PRKAR1A: variants seen among roughly 807,000 people sequenced by gnomAD.
The protein encoded by PRKAR1A is cAMP-dependent protein kinase type I-alpha regulatory subunit.
A neutral mutation model predicts 52.0 loss-of-function variants in PRKAR1A; 3 were observed. That is an observed-to-expected ratio of 0.06 (90% CI 0.03 to 0.15). PRKAR1A has a LOEUF of 0.15. PRKAR1A is among the 10% of genes least tolerant of loss of function. The pLI is 1.00. For missense variants in PRKAR1A, 240 were observed against 477.4 expected (o/e 0.50, Z 4.63); for synonymous variants, 188 against 168.4 (o/e 1.12, Z -0.90).
At chr17:68,514,237 T>C (rs922039910) in intron 1 of PRKAR1A, among the ~76,000 whole-genome samples, 2 of 152,256 alleles carry the variant, frequency 1.3e-5, no homozygotes, top group African/African-American at 4.8e-5. Flanking sequence ...TGTAGCACTT[T>C]AGAATAGCTC....
the PRKAR1A span, among the ~76,000 whole-genome samples, chr17:68,457,712 C>T: frequency 6.6e-6 from 1 of 152,172 alleles, no homozygotes; most frequent in African/African-American, 2.4e-5. Context: ...GAGCCCAAGC[C>T]ACGGCTGGCG....
the PRKAR1A span, among the ~76,000 whole-genome samples, chr17:68,474,304 T>C: frequency 6.6e-6 from 1 of 152,206 alleles, no homozygotes; most frequent in African/African-American, 2.4e-5. Flanking sequence ...GAGTCAGCTG[T>C]CATTTCTGCT....
chr17:68,496,045 T>C, the PRKAR1A span, among the ~76,000 whole-genome samples: 10 of 8,628 alleles, frequency 1.2e-3, no homozygotes, highest in African/African-American at 1.8e-3. Context: ...TCCTCTCCTC[T>C]CCTCTCCTTT....
the PRKAR1A span, among the ~76,000 whole-genome samples, chr17:68,485,038 T>C: frequency 1.3e-5 from 2 of 152,230 alleles, no homozygotes; most frequent in African/African-American, 4.8e-5. Context: ...AGATGTTATC[T>C]GTTTTACCAA....
At chr17:68,523,661 A>G in intron 3 of PRKAR1A, 64 bp from the exon 4 acceptor site, 2 of 1,250,746 alleles carry the variant, frequency 1.6e-6, no homozygotes, top group Non-Finnish European at 2.3e-6. Flanking sequence ...ATTGAAGCGC[A>G]GGTTGCAAAC....
the PRKAR1A span, among the ~76,000 whole-genome samples, chr17:68,467,144 A>G: frequency 6.6e-6 from 1 of 152,186 alleles, no homozygotes; most frequent in African/African-American, 2.4e-5. Flanking sequence ...GCATATCACA[A>G]TTTTATACAT....
the PRKAR1A span, among the ~76,000 whole-genome samples, chr17:68,497,587 T>C: frequency 6.6e-6 from 1 of 152,128 alleles, no homozygotes; most frequent in Non-Finnish European, 1.5e-5. Flanking sequence ...CCCTAGGAGA[T>C]GAGATGATAA....
At chr17:68,414,638 G>C in the PRKAR1A span, among the ~76,000 whole-genome samples, 7 of 152,148 alleles carry the variant, frequency 4.6e-5, no homozygotes, top group African/African-American at 1.7e-4. Context: ...GAATTCTGCT[G>C]TGGATCCATC....
intron 11 of PRKAR1A, among the ~76,000 whole-genome samples, chr17:68,544,208 T>C (rs2086443383): frequency 6.6e-6 from 1 of 151,360 alleles, no homozygotes; most frequent in Non-Finnish European, 1.5e-5. Context: ...AGAAAAGTTC[T>C]GGGTCTTAGG....
At chr17:68,415,079 G>A in the PRKAR1A span, among the ~76,000 whole-genome samples, 1 of 151,884 alleles carries the variant, frequency 6.6e-6, no homozygotes, top group African/African-American at 2.4e-5. Context: ...GGTTTTGTTT[G>A]TTCTTGTTTC....
At chr17:68,433,077 TA>T in the PRKAR1A span, among the ~76,000 whole-genome samples, 1 of 152,286 alleles carries the variant, frequency 6.6e-6, no homozygotes, top group Non-Finnish European at 1.5e-5. Context: ...TTGTTATATT[TA>T]CAGCTATATC....
At chr17:68,419,191 C>A in the PRKAR1A span, among the ~76,000 whole-genome samples, 1 of 152,076 alleles carries the variant, frequency 6.6e-6, no homozygotes, top group Non-Finnish European at 1.5e-5. Context: ...ACTTGATTCA[C>A]CAATTGGTAG....
the PRKAR1A span, chr17:68,427,123 G>A: frequency 2.2e-5 from 35 of 1,609,338 alleles, no homozygotes; most frequent in African/African-American, 9.4e-5. Context: ...TGTTGGCCCC[G>A]TGTCCACCCA....
intron 11 of PRKAR1A, chr17:68,541,744 C>T: frequency 2.2e-6 from 1 of 459,006 alleles, no homozygotes; most frequent in South Asian, 3.7e-5. Context: ...GAGTCTGAGT[C>T]TTCCATTTCT....
upstream of PRKAR1A, among the ~76,000 whole-genome samples, chr17:68,509,067 AG>A (rs1168027868): frequency 4.6e-5 from 7 of 152,260 alleles, no homozygotes; most frequent in Admixed American, 2.6e-4. Context: ...GGACCACCAA[AG>A]TATTCCTTCC....
In PRKAR1A at chr17:68,533,162, T is replaced by A; in HGVS notation, c.*2713T>A. ...ACATTTAATGTTACTTAGGGATACT[T>A]TTATATTTTGCATATATAAAGCCTC... On this transcript the variant is annotated 3_prime_UTR_variant, in exon 11 of 11. Coordinates refer to ENST00000589228, the MANE Select transcript of PRKAR1A (RefSeq NM_002734.5). 1 of 1,060,046 alleles carries A rather than the reference T, an allele frequency of 9.4e-7. No individual in the cohort carries two copies. The highest frequency in any genetic ancestry group is 1.1e-6 in the Non-Finnish European group (1 of 874,774). The allele number at this position is 1,060,046 out of a possible 1,614,324, so 65.7% of individuals were successfully genotyped here.
chr17:68,492,282 G>C, the PRKAR1A span, among the ~76,000 whole-genome samples: 1 of 152,120 alleles, frequency 6.6e-6, no homozygotes, highest in African/African-American at 2.4e-5. Context: ...ATTTGAAAAA[G>C]CAGAGGACAC....
Position 68,531,223 on chromosome 17 carries a change from G to C in PRKAR1A, c.*774G>C. 9.4e-7 allele frequency: 1 copy of C among 1,066,296 alleles called. No individual in the cohort carries two copies. Among genetic ancestry groups the C allele is most frequent in the African/African-American group, 1.6e-5 (1 of 61,206 alleles). 66.1% of individuals were successfully genotyped at this position (1,066,296 alleles called of 1,614,324 possible). On this transcript the variant is annotated 3_prime_UTR_variant, in exon 11 of 11. Transcript: ENST00000589228. ...ACATCTGCCTCGGCTCACAAATTCC[G>C]ATTAGACCTTTATCCAGCTAGTGCC...
chr17:68,486,330 G>C, the PRKAR1A span, among the ~76,000 whole-genome samples: 1 of 151,746 alleles, frequency 6.6e-6, no homozygotes, highest in South Asian at 2.1e-4. Context: ...CTTATCTTGG[G>C]GCTGCCTCTT....
Sources: allele counts gnomAD v4.1 joint callset (sites outside exome capture counted in the v4.1 genomes callset), GRCh38; gene constraint gnomAD v4.1.1; transcripts MANE v1.5; gene names NCBI Gene and HGNC (gene_info 2026-07-23, HGNC 2026-07-21).